The following CCSER1 variants were observed in gnomAD, a reference collection of about 807,000 sequenced individuals.
The protein encoded by CCSER1 is serine-rich coiled-coil domain-containing protein 1.
Under a neutral mutation model 82.0 loss-of-function variants are expected in CCSER1, and 41 were observed. The observed-to-expected ratio is 0.50, with a 90% CI of 0.39 to 0.65. CCSER1 has a LOEUF of 0.65. Ranked by LOEUF, CCSER1 falls within the 30% of genes least tolerant of loss-of-function variation. CCSER1 has a pLI of 0.00. For missense variants in CCSER1, 1,119 were observed against 1,064.2 expected, an observed-to-expected ratio of 1.05 and a Z score of -0.72; for synonymous variants, 414 against 383.9, an observed-to-expected ratio of 1.08 and a Z score of -0.92.
intron 6 of CCSER1, among the ~76,000 whole-genome samples, chr4:90,684,759 A>T (rs1734500000): frequency 1.3e-5 from 2 of 151,998 alleles, no homozygotes; most frequent in South Asian, 2.1e-4. Flanking sequence ...ATGGGGGCAG[A>T]TATTTCCCAC....
intron 5 of CCSER1, among the ~76,000 whole-genome samples, chr4:90,615,360 A>G (rs1339452956): frequency 1.3e-5 from 2 of 152,170 alleles, no homozygotes; most frequent in Non-Finnish European, 2.9e-5. Flanking sequence ...TGCCAGAGAG[A>G]GTGGTTCTTC....
In CCSER1 at chr4:90,494,237, C is replaced by T. The variant is rs554873927; in HGVS notation, c.1724+25883C>T. On this transcript the variant is annotated intron_variant, in intron 5 of 10. Coordinates refer to ENST00000509176, the MANE Select transcript of CCSER1 (RefSeq NM_001145065.2). ...TAACTATCCTAAATATATATGCACC[C>T]AATACAGGAGCACCCAGATTCATAA... 1.1e-4 allele frequency among the ~76,000 whole-genome samples: 17 copies of T among 152,230 alleles called. No individual in the cohort carries two copies. The South Asian group carries it at 3.5e-3, about 32-fold the overall frequency.
intron 5 of CCSER1, among the ~76,000 whole-genome samples, chr4:90,621,941 C>T (rs1340801449): frequency 6.6e-6 from 1 of 152,230 alleles, no homozygotes; most frequent in Non-Finnish European, 1.5e-5. Flanking sequence ...TACCCTGACA[C>T]TACCACAGTG....
At chr4:90,188,343 AT>A (rs1237257313) in intron 1 of CCSER1, among the ~76,000 whole-genome samples, 1 of 151,910 alleles carries the variant, frequency 6.6e-6, no homozygotes, top group East Asian at 1.9e-4. Flanking sequence ...ATCAGTATAT[AT>A]TTTTCAGTAT....
At chr4:91,390,177 A>G (rs866478878) in intron 10 of CCSER1, among the ~76,000 whole-genome samples, 1 of 152,058 alleles carries the variant, frequency 6.6e-6, no homozygotes, top group East Asian at 1.9e-4. Context: ...GTAGATTTTT[A>G]AAAAACTCAA....
intron 10 of CCSER1, among the ~76,000 whole-genome samples, chr4:91,241,595 G>A (rs1739372248): frequency 1.3e-5 from 2 of 151,832 alleles, no homozygotes; most frequent in Non-Finnish European, 2.9e-5. Flanking sequence ...CAAAGTGCTG[G>A]GATTACAGAC....
intron 1 of CCSER1, among the ~76,000 whole-genome samples, chr4:90,262,295 T>C (rs914269919): frequency 2.6e-5 from 4 of 152,200 alleles, no homozygotes; most frequent in Non-Finnish European, 5.9e-5. Context: ...GTTTATAGTT[T>C]ATTATAGCCT....
chr4:90,560,499 T>A lies in CCSER1; in HGVS notation c.1725-67526T>A, dbSNP rs531643239. Among the ~76,000 whole-genome samples the A allele has an allele frequency of 2.0e-5, 3 of 152,192 alleles. No individual in the cohort carries two copies. In the East Asian group the frequency reaches 5.8e-4, roughly 29 times the overall value. On this transcript the variant is annotated intron_variant, in intron 5 of 10. Transcript: ENST00000509176. ...GGGCTGCCTGCAAAATGTATTAATG[T>A]TTTTATATTGTTTTCCAGGAATTTT...
intron 6 of CCSER1, among the ~76,000 whole-genome samples, chr4:90,692,830 A>G (rs2149242465): frequency 6.6e-6 from 1 of 152,094 alleles, no homozygotes; most frequent in South Asian, 2.1e-4. Flanking sequence ...ATCAAATTAA[A>G]CTTAAAAGAT....
intron 1 of CCSER1, among the ~76,000 whole-genome samples, chr4:90,305,362 T>A (rs1734072755): frequency 6.6e-6 from 1 of 152,232 alleles, no homozygotes; most frequent in Non-Finnish European, 1.5e-5. Flanking sequence ...CACAACCAGC[T>A]GCAAATCATT....
At chr4:90,190,414 G>A (rs1019003828) in intron 1 of CCSER1, among the ~76,000 whole-genome samples, 1 of 152,018 alleles carries the variant, frequency 6.6e-6, no homozygotes, top group Admixed American at 6.6e-5. Context: ...ACTGGTCAAG[G>A]TCAGAATAGA....
chr4:91,433,243 A>G (rs1034329419), intron 10 of CCSER1, among the ~76,000 whole-genome samples: 3 of 152,260 alleles, frequency 2.0e-5, no homozygotes, highest in African/African-American at 4.8e-5. Context: ...CAAACTATAT[A>G]TTGTCTGTGG....
At position 91,370,218 on chromosome 4, in the gene CCSER1, T is replaced by C. The variant is rs552764817; in HGVS notation, c.2218-228354T>C. On this transcript the variant is annotated intron_variant, in intron 10 of 10. Transcript: ENST00000509176. ...GACTGGGAAAAAATTGTCTCAGTTA[T>C]TGAATGTTTTATTAAATAACATTTG... 4.6e-5 allele frequency among the ~76,000 whole-genome samples: 7 copies of C among 152,278 alleles called. No individual in the cohort carries two copies. The East Asian group carries it at 1.3e-3, about 29-fold the overall frequency.
At chr4:90,453,982 G>T (rs1761838139) in intron 4 of CCSER1, among the ~76,000 whole-genome samples, 2 of 152,160 alleles carry the variant, frequency 1.3e-5, no homozygotes, top group Non-Finnish European at 2.9e-5. Flanking sequence ...TGTGAGTCCT[G>T]CTGGACCACT....
chr4:90,736,606 G>A (rs577904004), intron 7 of CCSER1, among the ~76,000 whole-genome samples: 2 of 150,646 alleles, frequency 1.3e-5, no homozygotes, highest in Non-Finnish European at 2.9e-5. Flanking sequence ...CAGGTGAAAT[G>A]TGTTTCTTGT....
At chr4:91,079,095 T>C (rs1454602644) in intron 9 of CCSER1, among the ~76,000 whole-genome samples, 1 of 152,070 alleles carries the variant, frequency 6.6e-6, no homozygotes, top group Admixed American at 6.6e-5. Flanking sequence ...AAGATACTCC[T>C]CGAGAAGAGC....
At chr4:91,021,515 A>G (rs1343529706) in intron 9 of CCSER1, among the ~76,000 whole-genome samples, 2 of 152,184 alleles carry the variant, frequency 1.3e-5, no homozygotes. Context: ...TCTTCAGTGC[A>G]TATATTTTTA....
At chr4:90,404,813 G>A (rs534530382) in intron 4 of CCSER1, among the ~76,000 whole-genome samples, 22 of 152,304 alleles carry the variant, frequency 1.4e-4, no homozygotes, top group South Asian at 6.2e-4. Flanking sequence ...GGGGAAGGGG[G>A]AGAGTACCAC....
chr4:91,244,900 A>G (rs1459473725), intron 10 of CCSER1, among the ~76,000 whole-genome samples: 1 of 152,166 alleles, frequency 6.6e-6, no homozygotes, highest in East Asian at 1.9e-4. Context: ...CACAGAGAAA[A>G]TTTCAGTATC....
Sources: allele counts gnomAD v4.1 joint callset (sites outside exome capture counted in the v4.1 genomes callset), GRCh38; gene constraint gnomAD v4.1.1; transcripts MANE v1.5; gene names NCBI Gene and HGNC (gene_info 2026-07-23, HGNC 2026-07-21).